FARS2: variants seen among roughly 807,000 people sequenced by gnomAD.
FARS2 encodes the protein phenylalanine--tRNA ligase, mitochondrial.
A neutral mutation model predicts 46.4 loss-of-function variants in FARS2; 40 were observed. The ratio of observed to expected loss-of-function variants is 0.86; its 90% CI spans 0.67 to 1.12. The LOEUF (loss-of-function observed/expected upper bound fraction) is 1.12, where lower values mean the gene tolerates loss of function less well. Ranked by LOEUF, FARS2 falls within the 50% of genes most tolerant of loss-of-function variation. The pLI, the probability that FARS2 is intolerant of heterozygous loss-of-function variation, is 0.00. For missense variants in FARS2, 513 were observed against 567.9 expected, an observed-to-expected ratio of 0.90 and a Z score of 0.98; for synonymous variants, 234 against 214.9, an observed-to-expected ratio of 1.09 and a Z score of -0.78.
intron 6 of FARS2, among the ~76,000 whole-genome samples, chr6:5,747,338 G>T (rs2150959930): frequency 6.6e-6 from 1 of 152,342 alleles, no homozygotes; most frequent in South Asian, 2.1e-4. Flanking sequence ...GCTGCTATAA[G>T]GAGGCAAGGG....
chr6:5,725,240 G>A lies in FARS2; in HGVS notation c.1218-46051G>A, dbSNP rs1226947817. On this transcript the variant is annotated intron_variant, in intron 6 of 6. Transcript: ENST00000274680. Reference sequence around the variant, plus strand: ...GTTTTGGGGATGGCGTGATGACTTTGAACATGGGCGCTGGGGTGTATGGAG... The same window carrying A: ...GTTTTGGGGATGGCGTGATGACTTTAAACATGGGCGCTGGGGTGTATGGAG... 3.3e-5 allele frequency among the ~76,000 whole-genome samples: 5 copies of A among 152,224 alleles called. No homozygotes were observed. In the East Asian group the frequency reaches 9.6e-4, roughly 29 times the overall value.
chr6:5,553,849 G>A (rs1483963199), intron 5 of FARS2, among the ~76,000 whole-genome samples: 3 of 152,096 alleles, frequency 2.0e-5, no homozygotes, highest in Non-Finnish European at 2.9e-5. Context: ...TGGTCCACGA[G>A]CCACACTTTG....
chr6:5,555,766 G>A (rs1771620903), intron 5 of FARS2, among the ~76,000 whole-genome samples: 1 of 151,944 alleles, frequency 6.6e-6, no homozygotes, highest in Admixed American at 6.6e-5. Context: ...TTTTGCTGGA[G>A]AAGAGATGTT....
In FARS2 at chr6:5,392,753, C is replaced by T. The variant is rs1344494683; in HGVS notation, c.613-11789C>T. ...ATATATATACACACACACACACACA[C>T]ACACACACACACACACATGTATATA... On this transcript the variant is annotated intron_variant, in intron 2 of 6. Transcript: ENST00000274680. Among the ~76,000 whole-genome samples, 217 of 140,482 alleles carry T rather than the reference C, an allele frequency of 1.5e-3. 1 individual carries two copies. The highest frequency in any genetic ancestry group is 7.2e-3 in the Middle Eastern group (2 of 276). The allele number at this position is 140,482 out of a possible 152,430, so 92.2% of individuals were successfully genotyped here.
intron 4 of FARS2, among the ~76,000 whole-genome samples, chr6:5,485,702 C>T (rs1441864464): frequency 6.6e-6 from 1 of 152,194 alleles, no homozygotes; most frequent in Non-Finnish European, 1.5e-5. Context: ...TCAAGACCAT[C>T]CAAAACAAGC....
chr6:5,283,410 G>A (rs938090635), intron 1 of FARS2, among the ~76,000 whole-genome samples: 9 of 148,982 alleles, frequency 6.0e-5, no homozygotes, highest in East Asian at 5.9e-4. Flanking sequence ...TTAGCCAGGC[G>A]TCTTGGTGGG....
At chr6:5,483,235 C>T (rs1321788260) in intron 4 of FARS2, among the ~76,000 whole-genome samples, 1 of 152,128 alleles carries the variant, frequency 6.6e-6, no homozygotes, top group African/African-American at 2.4e-5. Flanking sequence ...CGTAGCTTTT[C>T]TCCTTTTATC....
intron 1 of FARS2, among the ~76,000 whole-genome samples, chr6:5,270,445 C>T (rs1561921611): frequency 1.3e-5 from 2 of 152,328 alleles, no homozygotes; most frequent in Non-Finnish European, 2.9e-5. Context: ...TAATACGTTT[C>T]AGGACATAAG....
intron 6 of FARS2, among the ~76,000 whole-genome samples, chr6:5,671,368 A>T (rs1030713821): frequency 1.3e-5 from 2 of 152,178 alleles, no homozygotes; most frequent in African/African-American, 4.8e-5. Flanking sequence ...TGATTGGCTA[A>T]TGAGCTCTTC....
At chr6:5,704,527 T>TA (rs1379327182) in intron 6 of FARS2, among the ~76,000 whole-genome samples, 2 of 152,174 alleles carry the variant, frequency 1.3e-5, no homozygotes, top group African/African-American at 4.8e-5. Context: ...AGAGTATAAT[T>TA]CTCTGCAACT....
chr6:5,619,768 T>G (rs1775668240), intron 6 of FARS2, among the ~76,000 whole-genome samples: 1 of 152,138 alleles, frequency 6.6e-6, no homozygotes, highest in Non-Finnish European at 1.5e-5. Flanking sequence ...TGGTCAAAGC[T>G]CTTCCTCCTG....
chr6:5,322,311 T>TA (rs1418472168), intron 1 of FARS2, among the ~76,000 whole-genome samples: 2 of 152,220 alleles, frequency 1.3e-5, no homozygotes, highest in Non-Finnish European at 2.9e-5. Flanking sequence ...TTAAAAAAGT[T>TA]AGATTATAAA....
chr6:5,696,910 T>G (rs1758139829), intron 6 of FARS2, among the ~76,000 whole-genome samples: 1 of 152,172 alleles, frequency 6.6e-6, no homozygotes, highest in African/African-American at 2.4e-5. Context: ...GGAGAACAGA[T>G]ATCAGTGACT....
intron 2 of FARS2, among the ~76,000 whole-genome samples, chr6:5,373,346 A>G (rs1359288943): frequency 1.3e-5 from 2 of 152,136 alleles, no homozygotes; most frequent in Admixed American, 6.5e-5. Flanking sequence ...ACATTAATAT[A>G]AAGGGACAAC....
At chr6:5,351,588 A>G (rs1238867319) in intron 1 of FARS2, among the ~76,000 whole-genome samples, 1 of 152,240 alleles carries the variant, frequency 6.6e-6, no homozygotes, top group Admixed American at 6.5e-5. Flanking sequence ...CCTCGATTAC[A>G]GAAGTTCAGT....
At chr6:5,592,830 C>T (rs555474937) in intron 5 of FARS2, among the ~76,000 whole-genome samples, 2 of 152,322 alleles carry the variant, frequency 1.3e-5, no homozygotes, top group South Asian at 2.1e-4. Flanking sequence ...CCACGAGGCC[C>T]AGAGCGAGAA....
chr6:5,485,248 G>A (rs1292270569), intron 4 of FARS2, among the ~76,000 whole-genome samples: 1 of 152,048 alleles, frequency 6.6e-6, no homozygotes, highest in Non-Finnish European at 1.5e-5. Context: ...TGTAAAATGG[G>A]CATACTTTGC....
chr6:5,581,749 C>G (rs1444500108), intron 5 of FARS2, among the ~76,000 whole-genome samples: 1 of 152,122 alleles, frequency 6.6e-6, no homozygotes, highest in African/African-American at 2.4e-5. Flanking sequence ...TAACATACTT[C>G]CGGTTAATTC....
intron 5 of FARS2, among the ~76,000 whole-genome samples, chr6:5,572,344 G>A (rs1772705118): frequency 6.6e-6 from 1 of 151,966 alleles, no homozygotes; most frequent in African/African-American, 2.4e-5. Context: ...TAAATGACCA[G>A]ATCTCACAAG....
Sources: gnomAD v4.1 joint callset for allele counts (sites outside exome capture counted in the v4.1 genomes callset) on GRCh38, gnomAD v4.1.1 for gene constraint, MANE v1.5 for transcripts, NCBI Gene and HGNC (gene_info 2026-07-23, HGNC 2026-07-21) for gene names.